Variants in ADGRL3 observed in about 807,000 individuals in gnomAD.
ADGRL3 encodes adhesion G protein-coupled receptor L3, also known as calcium-independent alpha-latrotoxin receptor 3.
A neutral mutation model predicts 153.5 loss-of-function variants in ADGRL3; 62 were observed. The ratio of observed to expected loss-of-function variants is 0.40; its 90% CI spans 0.33 to 0.50. ADGRL3 has a LOEUF of 0.50. Ranked by LOEUF, ADGRL3 falls within the 20% of genes least tolerant of loss-of-function variation. The pLI, the probability that ADGRL3 is intolerant of heterozygous loss-of-function variation, is 0.47. For missense variants in ADGRL3, 1,641 were observed against 1,859.4 expected, an observed-to-expected ratio of 0.88 and a Z score of 2.16; for synonymous variants, 710 against 672.5, an observed-to-expected ratio of 1.06 and a Z score of -0.86.
chr4:61,976,990 C>T (rs765295475), intron 17 of ADGRL3, among the ~76,000 whole-genome samples: 1 of 152,110 alleles, frequency 6.6e-6, no homozygotes, highest in Non-Finnish European at 1.5e-5. Context: ...TCCTGCTAAA[C>T]AGTCATACTT....
chr4:61,215,618 C>T (rs1742337767), intron 1 of ADGRL3, among the ~76,000 whole-genome samples: 1 of 134,250 alleles, frequency 7.4e-6, no homozygotes, highest in Non-Finnish European at 1.5e-5. Context: ...GTGGCCCGAT[C>T]TCGGCTCCCT....
intron 8 of ADGRL3, among the ~76,000 whole-genome samples, chr4:61,809,576 T>G (rs1355948730): frequency 1.3e-5 from 2 of 152,098 alleles, no homozygotes; most frequent in African/African-American, 4.8e-5. Context: ...AGCACCCTAT[T>G]TAAAATTGCT....
At chr4:61,464,550 A>G (rs910127553) in intron 2 of ADGRL3, among the ~76,000 whole-genome samples, 6 of 152,048 alleles carry the variant, frequency 3.9e-5, no homozygotes, top group Non-Finnish European at 8.8e-5. Flanking sequence ...CTTTTAGAAA[A>G]TTTTTTAATT....
chr4:61,228,336 A>G (rs1748917221), intron 1 of ADGRL3, among the ~76,000 whole-genome samples: 1 of 152,198 alleles, frequency 6.6e-6, no homozygotes, highest in African/African-American at 2.4e-5. Flanking sequence ...TGTTACTGAT[A>G]CTAACATTTT....
chr4:61,870,993 C>T (rs994016991), intron 9 of ADGRL3, among the ~76,000 whole-genome samples: 5 of 152,056 alleles, frequency 3.3e-5, no homozygotes, highest in South Asian at 4.1e-4. Context: ...AAAGTGTATA[C>T]GGGGGCCGGG....
chr4:61,541,213 C>A (rs1481694015), intron 4 of ADGRL3, among the ~76,000 whole-genome samples: 1 of 152,136 alleles, frequency 6.6e-6, no homozygotes, highest in Non-Finnish European at 1.5e-5. Flanking sequence ...ATTGCCTAGT[C>A]TTGGTTGTCT....
Position 61,757,900 on chromosome 4 carries a change from G to C in ADGRL3, c.1399+24346G>C, listed in dbSNP as rs149908567. On this transcript the variant is annotated intron_variant, in intron 8 of 26. Coordinates refer to ENST00000683033, the MANE Select transcript of ADGRL3 (RefSeq NM_001387552.1). ...TGTACCCAGTAGTCATTCAGGAGCA[G>C]GTTGCTCAGTTTCCATGTAGCTGAG... 2.4e-4 allele frequency among the ~76,000 whole-genome samples: 36 copies of C among 152,278 alleles called. No individual in the cohort carries two copies. The East Asian group carries it at 6.2e-3, about 26-fold the overall frequency.
intron 2 of ADGRL3, among the ~76,000 whole-genome samples, chr4:61,413,974 T>C (rs562506711): frequency 6.6e-6 from 1 of 152,350 alleles, no homozygotes; most frequent in Non-Finnish European, 1.5e-5. Context: ...ATTTTGCAAA[T>C]AATTTCTACA....
intron 1 of ADGRL3, among the ~76,000 whole-genome samples, chr4:61,371,233 T>A (rs1177170835): frequency 1.3e-5 from 2 of 151,706 alleles, no homozygotes; most frequent in African/African-American, 4.8e-5. Flanking sequence ...CATTTACATT[T>A]AAAGTTAATA....
At chr4:61,211,242 A>G (rs954663930) in intron 1 of ADGRL3, among the ~76,000 whole-genome samples, 1 of 152,140 alleles carries the variant, frequency 6.6e-6, no homozygotes, top group Non-Finnish European at 1.5e-5. Flanking sequence ...GATTCTTGGG[A>G]AAGAGTGAAG....
rs181832092 is a variant in ADGRL3 at position 61,693,134 on chromosome 4, G to A, written c.583+16199G>A. Among the ~76,000 whole-genome samples the A allele has an allele frequency of 8.8e-4, 134 of 152,028 alleles. 2 individuals are homozygous for A. The highest frequency in any genetic ancestry group is 3.2e-3 in the African/African-American group (131 of 41,472). On this transcript the variant is annotated intron_variant, in intron 6 of 26. Transcript: ENST00000683033. ...TTATTATTATTATTGGCTTTGTAAG[G>A]CTTAATGATCTCCACTTTGTGAAAA... is the stretch of plus-strand genomic sequence containing the variant.
At chr4:61,426,460 T>G (rs1177915432) in intron 2 of ADGRL3, among the ~76,000 whole-genome samples, 2 of 151,870 alleles carry the variant, frequency 1.3e-5, no homozygotes, top group African/African-American at 4.8e-5. Context: ...GGGGTGCCCC[T>G]CTCCTACAGA....
At chr4:61,377,150 A>G (rs2096613338) in intron 1 of ADGRL3, among the ~76,000 whole-genome samples, 2 of 152,112 alleles carry the variant, frequency 1.3e-5, no homozygotes, top group Admixed American at 1.3e-4. Context: ...ATCCTATGGT[A>G]TGGTATGGTA....
chr4:61,961,913 T>TA (rs1287177269), intron 17 of ADGRL3, among the ~76,000 whole-genome samples: 1 of 152,214 alleles, frequency 6.6e-6, no homozygotes, highest in Non-Finnish European at 1.5e-5. Flanking sequence ...GGAAGAATGA[T>TA]ACAATAAATA....
intron 24 of ADGRL3, among the ~76,000 whole-genome samples, chr4:62,040,709 C>T (rs137943993): frequency 5.3e-5 from 8 of 151,916 alleles, no homozygotes; most frequent in African/African-American, 1.7e-4. Flanking sequence ...TTTATTCTAG[C>T]GTTGGGAGAC....
intron 8 of ADGRL3, among the ~76,000 whole-genome samples, chr4:61,789,491 A>G (rs1267449418): frequency 6.6e-6 from 1 of 152,206 alleles, no homozygotes; most frequent in African/African-American, 2.4e-5. Flanking sequence ...AATTATATGC[A>G]AGAAGCTTAT....
intron 5 of ADGRL3, among the ~76,000 whole-genome samples, chr4:61,648,822 C>G (rs564440852): frequency 2.0e-5 from 3 of 151,944 alleles, no homozygotes; most frequent in African/African-American, 4.8e-5. Flanking sequence ...GGATATTGTT[C>G]CGATTTTATT....
intron 8 of ADGRL3, among the ~76,000 whole-genome samples, chr4:61,748,032 A>G (rs371331337): frequency 0.085 from 12,711 of 149,158 alleles, 1,110 homozygotes; most frequent in African/African-American, 0.23. Flanking sequence ...AAATCAATGT[A>G]CAAAAATCAC....
intron 1 of ADGRL3, among the ~76,000 whole-genome samples, chr4:61,316,956 T>C (rs780680623): frequency 2.6e-5 from 4 of 152,230 alleles, no homozygotes; most frequent in South Asian, 2.1e-4. Flanking sequence ...TTCTTCCTGA[T>C]AATACAGAAA....
Sources: gnomAD v4.1 joint callset for allele counts (sites outside exome capture counted in the v4.1 genomes callset) on GRCh38, gnomAD v4.1.1 for gene constraint, MANE v1.5 for transcripts, NCBI Gene and HGNC (gene_info 2026-07-23, HGNC 2026-07-21) for gene names.